SLC2A9: variants seen among roughly 807,000 people sequenced by gnomAD.
SLC2A9 encodes the protein solute carrier family 2 member 9, also known as solute carrier family 2, facilitated glucose transporter member 9.
A neutral mutation model predicts 50.6 loss-of-function variants in SLC2A9; 39 were observed. The observed-to-expected ratio is 0.77, with a 90% confidence interval of 0.60 to 1.01. SLC2A9 has a LOEUF of 1.01. SLC2A9 is among the 50% of genes least tolerant of loss of function. The pLI is 0.00. For missense variants in SLC2A9, 686 were observed against 677.6 expected, an observed-to-expected ratio of 1.01 and a Z score of -0.14; for synonymous variants, 324 against 276.9, an observed-to-expected ratio of 1.17 and a Z score of -1.69.
chr4:9,842,277 G>C (rs1365408368), intron 10 of SLC2A9, among the ~76,000 whole-genome samples: 1 of 152,178 alleles, frequency 6.6e-6, no homozygotes, highest in Non-Finnish European at 1.5e-5. Flanking sequence ...CTTGTGGTAG[G>C]TGTGTAGGTG....
chr4:9,776,500 A>G (rs1740778856), downstream of SLC2A9, among the ~76,000 whole-genome samples: 1 of 151,826 alleles, frequency 6.6e-6, no homozygotes, highest in Non-Finnish European at 1.5e-5. Context: ...CCTCCCTATA[A>G]CCAGCAATCA....
intron 3 of SLC2A9, among the ~76,000 whole-genome samples, chr4:9,811,932 A>T (rs552424643): frequency 6.6e-6 from 1 of 152,306 alleles, no homozygotes; most frequent in South Asian, 2.1e-4. Flanking sequence ...AAATTTTGAA[A>T]GATGTTATTT....
At chr4:9,841,279 G>A (rs1728045974) in intron 10 of SLC2A9, among the ~76,000 whole-genome samples, 1 of 152,098 alleles carries the variant, frequency 6.6e-6, no homozygotes, top group Non-Finnish European at 1.5e-5. Flanking sequence ...GATCAGCTTT[G>A]TTTCCCTTTC....
chr4:9,794,243 GT>G (rs1303237650), downstream of SLC2A9, among the ~76,000 whole-genome samples: 1 of 151,974 alleles, frequency 6.6e-6, no homozygotes, highest in African/African-American at 2.4e-5. Flanking sequence ...CTGGCTCCTG[GT>G]TTTGGTTTCA....
chr4:9,786,370 G>A lies in SLC2A9; in HGVS notation n.386-6305C>T, dbSNP rs549940234. ...GGCCGTGGAGTCTTTAATCCTAACT[G>A]CTCTTTGATGGTGAGAGAGGATGCC... On this transcript the variant is annotated intron_variant and non_coding_transcript_variant, in intron 3 of 3. Coordinates refer to the SLC2A9 transcript ENST00000503803. Among the ~76,000 whole-genome samples the A allele has an allele frequency of 8.5e-5, 13 of 152,328 alleles. No homozygotes were observed. In the East Asian group the frequency reaches 2.3e-3, roughly 27 times the overall value.
chr4:9,787,705 C>A (rs1165846065), intron 3 of SLC2A9, among the ~76,000 whole-genome samples: 1 of 152,310 alleles, frequency 6.6e-6, no homozygotes, highest in East Asian at 1.9e-4. Context: ...TGACACGGAC[C>A]TTTGTGAAGA....
downstream of SLC2A9, chr4:9,826,206 G>T: frequency 1.6e-6 from 1 of 618,980 alleles, no homozygotes; most frequent in Non-Finnish European, 2.8e-6. Context: ...TGTGAATAAT[G>T]CTAACACAGT....
At chr4:9,916,460 T>C (rs1742863579) in intron 7 of SLC2A9, among the ~76,000 whole-genome samples, 1 of 152,194 alleles carries the variant, frequency 6.6e-6, no homozygotes, top group African/African-American at 2.4e-5. Flanking sequence ...GCAGCAGATT[T>C]TGAAACTGCA....
intron 3 of SLC2A9, among the ~76,000 whole-genome samples, chr4:9,819,774 T>C (rs767586167): frequency 3.3e-5 from 5 of 152,174 alleles, no homozygotes; most frequent in Non-Finnish European, 7.3e-5. Flanking sequence ...TTTCCACTAA[T>C]AGTACAACAA....
chr4:9,893,784 T>A (rs1738005514), intron 8 of SLC2A9, among the ~76,000 whole-genome samples: 1 of 152,080 alleles, frequency 6.6e-6, no homozygotes, highest in Non-Finnish European at 1.5e-5. Flanking sequence ...GGCCCAGAGA[T>A]ATCAGGGGCT....
intron 10 of SLC2A9, among the ~76,000 whole-genome samples, chr4:9,862,150 CAA>C (rs1434255490): frequency 6.6e-6 from 1 of 150,634 alleles, no homozygotes; most frequent in African/African-American, 2.5e-5. Context: ...TTTACAAAGA[CAA>C]GAGATATTCT....
chr4:9,951,976 G>A (rs571144468), intron 5 of SLC2A9, among the ~76,000 whole-genome samples: 31 of 152,352 alleles, frequency 2.0e-4, no homozygotes, highest in South Asian at 1.2e-3. Context: ...CATGTGCCAC[G>A]GCTCAGCTCA....
At chr4:9,950,566 C>T (rs560310241) in intron 5 of SLC2A9, among the ~76,000 whole-genome samples, 17 of 145,834 alleles carry the variant, frequency 1.2e-4, no homozygotes, top group African/African-American at 4.3e-4. Flanking sequence ...CATCTCACCC[C>T]TGTCAAAATG....
At position 10,021,316 on chromosome 4, in the gene SLC2A9, G is replaced by A. The variant is rs545402060; in HGVS notation, c.114C>T (p.His38=). ...GPGRALLECD[H]LRSGVPGGRR... is the part of the protein sequence containing the mutation. ...TTCCACCTGGCACCCCACTCCTCAGGTGGTCACACTCCAGCAGTGCCCTCC... is the reference window on the plus strand; with the variant it reads ...TTCCACCTGGCACCCCACTCCTCAGATGGTCACACTCCAGCAGTGCCCTCC... The change falls in exon 1 of 12, where the codon CAC becomes CAT. Residue 38 remains histidine (H), a synonymous_variant. Coordinates refer to ENST00000264784, the MANE Select transcript of SLC2A9 (RefSeq NM_020041.3). 22 of 1,614,008 alleles carry A rather than the reference G, an allele frequency of 1.4e-5. No individual in the cohort carries two copies. Among genetic ancestry groups the A allele is most frequent in the Non-Finnish European group, 1.8e-5 (21 of 1,180,056 alleles).
chr4:9,954,122 G>A (rs13435674), intron 5 of SLC2A9, among the ~76,000 whole-genome samples: 29,756 of 152,022 alleles, frequency 0.2, 3,130 homozygotes, highest in African/African-American at 0.22. Context: ...ATTTTTTGTA[G>A]AGATGAGGTT....
chr4:9,976,794 T>C (rs1754877796), intron 5 of SLC2A9, among the ~76,000 whole-genome samples: 1 of 152,172 alleles, frequency 6.6e-6, no homozygotes, highest in East Asian at 1.9e-4. Flanking sequence ...AGAATCTAGG[T>C]ACCCAGGTCC....
In SLC2A9 at chr4:9,835,120, G is replaced by C. The variant is rs1045970774; in HGVS notation, c.1292-112C>G. 26 of 1,481,894 alleles carry C rather than the reference G, an allele frequency of 1.8e-5. No individual in the cohort carries two copies. The African/African-American group carries it at 2.9e-4, about 17-fold the overall frequency. The allele number at this position is 1,481,894 out of a possible 1,614,324, so 91.8% of individuals were successfully genotyped here. On this transcript the variant is annotated intron_variant, in intron 10 of 11. Coordinates refer to ENST00000264784, the MANE Select transcript of SLC2A9 (RefSeq NM_020041.3). ...CCCCCCCACCCCTGCCCCTTGACTG[G>C]ATGTGTAGTGGGCCCCAGTTCCTGA... is the stretch of plus-strand genomic sequence containing the variant.
intron 2 of SLC2A9, among the ~76,000 whole-genome samples, chr4:10,010,302 C>T (rs921271222): frequency 6.6e-6 from 1 of 152,146 alleles, no homozygotes; most frequent in Non-Finnish European, 1.5e-5. Context: ...CAGACCTTGC[C>T]CTGTGATCTC....
In SLC2A9 at chr4:9,914,503, C is replaced by T. The variant is rs558475262; in HGVS notation, c.1002+5882G>A. On this transcript the variant is annotated intron_variant, in intron 7 of 11. Coordinates refer to ENST00000264784, the MANE Select transcript of SLC2A9 (RefSeq NM_020041.3). ...CAGTTGCACCCCGACTACAGCTGCG[C>T]ACCTTACGCTTCACAAAACAGGACC... Among the ~76,000 whole-genome samples the T allele has an allele frequency of 3.9e-5, 6 of 152,314 alleles. No individual in the cohort carries two copies. In the South Asian group the frequency reaches 1.2e-3, roughly 32 times the overall value.
Sources: gnomAD v4.1 joint callset for allele counts (sites outside exome capture counted in the v4.1 genomes callset) on GRCh38, gnomAD v4.1.1 for gene constraint, MANE v1.5 for transcripts, NCBI Gene and HGNC (gene_info 2026-07-23, HGNC 2026-07-21) for gene names.